The following AGAP1 variants were observed in gnomAD, a reference collection of about 807,000 sequenced individuals.
AGAP1 encodes ArfGAP with GTPase domain, ankyrin repeat and PH domain 1.
In AGAP1, 29 loss-of-function variants were observed where a neutral mutation model predicts 105.3. The ratio of observed to expected loss-of-function variants is 0.28; its 90% CI spans 0.21 to 0.38. AGAP1 has a LOEUF of 0.38. Among genes scored for constraint, AGAP1 ranks in the 10% least tolerant of loss-of-function variants. The pLI is 1.00. For synonymous variants in AGAP1, 509 were observed against 485.9 expected (o/e 1.05, Z -0.63); for missense variants, 998 against 1,165.1 (o/e 0.86, Z 2.09).
chr2:235,577,382 G>A lies in AGAP1; in HGVS notation c.163+82533G>A, dbSNP rs995350766. Among the ~76,000 whole-genome samples, 2 of 152,164 alleles carry A rather than the reference G, an allele frequency of 1.3e-5. No individual in the cohort carries two copies. The highest frequency in any genetic ancestry group is 2.9e-5 in the Non-Finnish European group (2 of 68,036). ...AGTAGCACCTGTGGCTGGAGCTACT[G>A]TATTGGGCACCACGGCCTTAGGGTT... On this transcript the variant is annotated intron_variant, in intron 1 of 17. Transcript: ENST00000304032. This position sits in a 1 kb window ranked among gnomAD's most constrained non-coding sequence, Gnocchi z 4.5.
intron 8 of AGAP1, among the ~76,000 whole-genome samples, chr2:235,803,288 A>G (rs1957674362): frequency 6.6e-6 from 1 of 152,212 alleles, no homozygotes; most frequent in Non-Finnish European, 1.5e-5. Context: ...AGTGTCATCC[A>G]AGGAACAAAA....
chr2:235,606,507 G>A (rs1332885955), intron 1 of AGAP1, among the ~76,000 whole-genome samples: 2 of 152,100 alleles, frequency 1.3e-5, no homozygotes, highest in African/African-American at 2.4e-5. Context: ...CATCCATAAT[G>A]AACCTTTTTT....
intron 1 of AGAP1, among the ~76,000 whole-genome samples, chr2:235,653,203 T>A (rs374789147): frequency 2.0e-5 from 3 of 151,986 alleles, no homozygotes; most frequent in African/African-American, 2.4e-5. Context: ...CAGTGGCTCA[T>A]GCCTGTAATC....
At chr2:235,686,666 T>TATATATA (rs1222184438) in intron 1 of AGAP1, among the ~76,000 whole-genome samples, 2 of 60,488 alleles carry the variant, frequency 3.3e-5, no homozygotes, top group African/African-American at 2.3e-4. Context: ...TATATATATA[T>TATATATA]TTTTTTTTTT....
chr2:235,730,669 G>T lies in AGAP1; in HGVS notation c.311-10294G>T, dbSNP rs1346131465. The stretch of plus-strand genomic sequence containing the variant: ...TACCTTTTTTATGCTTAAAATAAAT[G>T]TATAAAATATTAAAAATCATTTTCC... On this transcript the variant is annotated intron_variant, in intron 3 of 17. Coordinates refer to ENST00000304032, the MANE Select transcript of AGAP1 (RefSeq NM_001037131.3). 2.6e-5 allele frequency among the ~76,000 whole-genome samples: 4 copies of T among 151,942 alleles called. 1 individual carries two copies. Among genetic ancestry groups the T allele is most frequent in the African/African-American group, 9.7e-5 (4 of 41,364 alleles).
chr2:235,677,160 A>G (rs1388958350), intron 1 of AGAP1, among the ~76,000 whole-genome samples: 2 of 152,114 alleles, frequency 1.3e-5, no homozygotes, highest in South Asian at 2.1e-4. Flanking sequence ...CTTTAATTAC[A>G]TTTAGCTAGT....
chr2:236,079,587 T>A lies in AGAP1; in HGVS notation c.2114+30306T>A, dbSNP rs143351550. On this transcript the variant is annotated intron_variant, in intron 16 of 17. Transcript: ENST00000304032. ...ACACACACATACATACACACACACA[T>A]ATACATATACATACATACATATATA... Among the ~76,000 whole-genome samples, 10 of 151,490 alleles carry A rather than the reference T, an allele frequency of 6.6e-5. No homozygotes were observed. The East Asian group carries it at 1.8e-3, about 27-fold the overall frequency.
In AGAP1 at chr2:235,717,741, C is replaced by A; in HGVS notation, c.310+97C>A. Reference sequence around the variant, plus strand: ...ATCATGACTTTGATGTATCACAGGTCAAGAAAGCAATAAAACATACCAAGC... The same window carrying A: ...ATCATGACTTTGATGTATCACAGGTAAAGAAAGCAATAAAACATACCAAGC... On this transcript the variant is annotated intron_variant, in intron 3 of 17. Transcript: ENST00000304032. The A allele has an allele frequency of 4.9e-6, 5 of 1,022,816 alleles. No individual in the cohort carries two copies. In the South Asian group the frequency reaches 6.2e-5, roughly 13 times the overall value. The allele number at this position is 1,022,816 out of a possible 1,614,324, so 63.4% of individuals were successfully genotyped here.
At chr2:235,810,828 G>A (rs1458950979) in intron 9 of AGAP1, among the ~76,000 whole-genome samples, 1 of 143,970 alleles carries the variant, frequency 6.9e-6, no homozygotes. Flanking sequence ...CAGAGAATTC[G>A]GTTTCTTTTT....
At chr2:235,810,917 T>C (rs1257523953) in intron 9 of AGAP1, among the ~76,000 whole-genome samples, 1 of 148,874 alleles carries the variant, frequency 6.7e-6, no homozygotes, top group African/African-American at 2.5e-5. Context: ...GAGGCCCGGC[T>C]CAGCGGCAAG....
chr2:235,863,925 T>C (rs1050757096), intron 9 of AGAP1, among the ~76,000 whole-genome samples: 1 of 152,094 alleles, frequency 6.6e-6, no homozygotes. Flanking sequence ...ACAAGGGAAG[T>C]GTGTCATTCA....
At position 235,555,960 on chromosome 2, in the gene AGAP1, G is replaced by A. The variant is rs1943959031; in HGVS notation, c.163+61111G>A. ...ACACAATGAGGCAAAGCAATACTTA[G>A]ACCTCAAAAACAAAGCGATGTAGAC... On this transcript the variant is annotated intron_variant, in intron 1 of 17. Transcript: ENST00000304032. The surrounding 1 kb of genome is among the most constrained non-coding windows in gnomAD (Gnocchi z 5.1). 6.6e-6 allele frequency among the ~76,000 whole-genome samples: 1 copy of A among 152,194 alleles called. No homozygotes were observed. Among genetic ancestry groups the A allele is most frequent in the African/African-American group, 2.4e-5 (1 of 41,460 alleles).
At chr2:235,710,829 C>A (rs1014670874) in intron 2 of AGAP1, among the ~76,000 whole-genome samples, 3 of 152,176 alleles carry the variant, frequency 2.0e-5, no homozygotes, top group Non-Finnish European at 2.9e-5. Context: ...GTGATGGGCA[C>A]GGAACAGTAG....
At chr2:236,004,881 A>G (rs1163210914) in intron 13 of AGAP1, among the ~76,000 whole-genome samples, 1 of 152,170 alleles carries the variant, frequency 6.6e-6, no homozygotes, top group Non-Finnish European at 1.5e-5. Context: ...CTCTGTATGT[A>G]CTCCAAGCTA....
chr2:235,809,418 T>C (rs1318605186), intron 9 of AGAP1, among the ~76,000 whole-genome samples: 1 of 152,116 alleles, frequency 6.6e-6, no homozygotes, highest in Non-Finnish European at 1.5e-5. Context: ...TGTCCCCCTC[T>C]TGCAGCCACA....
rs1178430197 is a variant in AGAP1, at chr2:236,050,077, T to C, written c.2114+796T>C. On this transcript the variant is annotated intron_variant, in intron 16 of 17. Coordinates refer to ENST00000304032, the MANE Select transcript of AGAP1 (RefSeq NM_001037131.3). The surrounding 1 kb of genome is among the most constrained non-coding windows in gnomAD (Gnocchi z 4.0). ...GAGGTTTGCTGTCCGTGTTTGCCTC[T>C]CAGGTGTCTGAAGAGATGAAGGGAG... Among the ~76,000 whole-genome samples, 1 of 152,222 alleles carries C rather than the reference T, an allele frequency of 6.6e-6. No individual in the cohort carries two copies. The highest frequency in any genetic ancestry group is 1.5e-5 in the Non-Finnish European group (1 of 68,040).
chr2:235,853,361 G>T (rs2048558023), intron 9 of AGAP1, among the ~76,000 whole-genome samples: 1 of 152,186 alleles, frequency 6.6e-6, no homozygotes, highest in Non-Finnish European at 1.5e-5. Flanking sequence ...TTAGTACTGA[G>T]TTGGAAATAA....
chr2:236,093,040 A>G (rs966336139), intron 16 of AGAP1, among the ~76,000 whole-genome samples: 4 of 152,258 alleles, frequency 2.6e-5, no homozygotes, highest in Non-Finnish European at 4.4e-5. Flanking sequence ...TGGGTCCACG[A>G]CGATACTCCA....
At chr2:235,681,856 T>C (rs1476118277) in intron 1 of AGAP1, among the ~76,000 whole-genome samples, 37 of 143,956 alleles carry the variant, frequency 2.6e-4, no homozygotes, top group Middle Eastern at 7.0e-3. Flanking sequence ...TTTTTTTTTT[T>C]TTTTTTTTTT....
Sources: allele counts gnomAD v4.1 joint callset (sites outside exome capture counted in the v4.1 genomes callset), GRCh38; gene constraint gnomAD v4.1.1; non-coding constraint Gnocchi (gnomAD v3.1); transcripts MANE v1.5; gene names NCBI Gene and HGNC (gene_info 2026-07-23, HGNC 2026-07-21).